DACH2: variants seen among roughly 807,000 people sequenced by gnomAD.
DACH2 encodes the protein dachshund homolog 2.
Under a neutral mutation model 35.8 loss-of-function variants are expected in DACH2, and 17 were observed. That is an observed-to-expected ratio of 0.48 (90% CI 0.33 to 0.71). DACH2 has a LOEUF of 0.71. Among genes scored for constraint, DACH2 ranks in the 30% least tolerant of loss-of-function variants. DACH2 has a pLI of 0.02. For synonymous variants in DACH2, 195 were observed against 177.3 expected, an observed-to-expected ratio of 1.10 and a Z score of -0.79; for missense variants, 469 against 472.7, an observed-to-expected ratio of 0.99 and a Z score of 0.07.
intron 1 of DACH2, among the ~76,000 whole-genome samples, chrX:86,285,380 T>C (rs2034123942): frequency 8.9e-6 from 1 of 112,001 alleles, no homozygotes. Flanking sequence ...TGTATTTTTG[T>C]TATTATTTGT....
At chrX:86,631,550 G>A (rs1222017088) in intron 3 of DACH2, among the ~76,000 whole-genome samples, 2 of 111,463 alleles carry the variant, frequency 1.8e-5, no homozygotes, top group African/African-American at 6.5e-5. Flanking sequence ...ATTTTTGGAG[G>A]GATATTATCA....
At chrX:86,372,866 A>C (rs949905179) in intron 1 of DACH2, among the ~76,000 whole-genome samples, 1 of 110,751 alleles carries the variant, frequency 9.0e-6, no homozygotes, top group African/African-American at 3.3e-5. Context: ...TATTGTTGAC[A>C]TCTTTATGTC....
chrX:86,722,927 A>T (rs1224300507), intron 6 of DACH2, among the ~76,000 whole-genome samples: 1 of 111,240 alleles, frequency 9.0e-6, no homozygotes, highest in Admixed American at 9.6e-5. Flanking sequence ...TGTTAGTAGA[A>T]TTTGGCTGTG....
intron 3 of DACH2, among the ~76,000 whole-genome samples, chrX:86,610,418 T>TTTCTTTCC (rs1491456126): frequency 1.6e-5 from 1 of 62,204 alleles, no homozygotes; most frequent in Admixed American, 2.1e-4. Flanking sequence ...TCTTTCTTTC[T>TTTCTTTCC]TTTCTTTCTT....
At chrX:86,168,749 A>G (rs780180946) in intron 1 of DACH2, among the ~76,000 whole-genome samples, 6 of 109,563 alleles carry the variant, frequency 5.5e-5, no homozygotes, top group Non-Finnish European at 1.1e-4. Context: ...TGAAAAAACT[A>G]CACTTTGCAT....
chrX:86,730,672 TA>T (rs1298828153), intron 6 of DACH2, among the ~76,000 whole-genome samples: 2 of 111,986 alleles, frequency 1.8e-5, no homozygotes, highest in East Asian at 5.6e-4. Flanking sequence ...ATGAACAAAA[TA>T]AATAATTATA....
At chrX:86,274,426 T>C (rs1270530331) in intron 1 of DACH2, among the ~76,000 whole-genome samples, 11 of 108,204 alleles carry the variant, frequency 1.0e-4, no homozygotes, top group African/African-American at 3.7e-4. Flanking sequence ...AGGATTTATT[T>C]AGAATGAGCT....
chrX:86,473,424 T>C (rs72633152), intron 2 of DACH2, among the ~76,000 whole-genome samples: 4,066 of 110,789 alleles, frequency 0.037, 83 homozygotes, highest in East Asian at 0.21. Flanking sequence ...TTACTGACTA[T>C]AGCCATTCTG....
chrX:86,322,704 TA>T (rs2035038519), intron 1 of DACH2, among the ~76,000 whole-genome samples: 1 of 112,225 alleles, frequency 8.9e-6, no homozygotes, highest in African/African-American at 3.2e-5. Flanking sequence ...CAAGGCCCCT[TA>T]ATGGAGGGAG....
chrX:86,438,384 C>T (rs111999723), intron 2 of DACH2, among the ~76,000 whole-genome samples: 96 of 109,823 alleles, frequency 8.7e-4, no homozygotes, highest in African/African-American at 3.0e-3. Flanking sequence ...CCATCACGCC[C>T]GGCTAATTTT....
intron 6 of DACH2, among the ~76,000 whole-genome samples, chrX:86,719,932 C>CTTTTTTTT (rs57079697): frequency 4.0e-5 from 3 of 75,569 alleles, no homozygotes; most frequent in African/African-American, 5.0e-5. Flanking sequence ...TTTCTTTTTT[C>CTTTTTTTT]TTTTTTTTTT....
At chrX:86,610,417 CTTTT>C (rs2039925434) in intron 3 of DACH2, among the ~76,000 whole-genome samples, 1 of 49,406 alleles carries the variant, frequency 2.0e-5, no homozygotes, top group Admixed American at 2.8e-4. Context: ...TTCTTTCTTT[CTTTT>C]CTTTCTTTCT....
At chrX:86,556,856 C>G (rs1172727905) in intron 3 of DACH2, among the ~76,000 whole-genome samples, 3 of 97,743 alleles carry the variant, frequency 3.1e-5, no homozygotes, top group Non-Finnish European at 4.1e-5. Context: ...CGGGAATTTG[C>G]TCATGCAGTT....
intron 3 of DACH2, among the ~76,000 whole-genome samples, chrX:86,514,880 G>T (rs918925995): frequency 9.0e-6 from 1 of 111,466 alleles, no homozygotes; most frequent in Non-Finnish European, 1.9e-5. Flanking sequence ...GGTGCAGGTG[G>T]TCATTGTCCT....
At chrX:86,622,876 A>T (rs1446364299) in intron 3 of DACH2, among the ~76,000 whole-genome samples, 1 of 111,788 alleles carries the variant, frequency 8.9e-6, no homozygotes, top group East Asian at 2.8e-4. Flanking sequence ...ATGACAACAC[A>T]TGATGATTAC....
At chrX:86,378,689 G>A (rs2036003120) in intron 2 of DACH2, among the ~76,000 whole-genome samples, 1 of 111,174 alleles carries the variant, frequency 9.0e-6, no homozygotes, top group African/African-American at 3.3e-5. Flanking sequence ...TATAGCCCAT[G>A]GGCTGTCAGT....
chrX:86,395,487 T>C (rs908109273), intron 2 of DACH2, among the ~76,000 whole-genome samples: 98 of 111,173 alleles, frequency 8.8e-4, no homozygotes, highest in African/African-American at 2.9e-3. Context: ...GCTGCACCCA[T>C]TAACTCATCA....
intron 2 of DACH2, among the ~76,000 whole-genome samples, chrX:86,443,452 A>G: frequency 9.0e-6 from 1 of 110,786 alleles, no homozygotes. Context: ...ATATAAGACT[A>G]TACTTTCTGC....
chrX:86,571,745 T>C (rs929097681), intron 3 of DACH2, among the ~76,000 whole-genome samples: 5 of 110,822 alleles, frequency 4.5e-5, no homozygotes, highest in Non-Finnish European at 7.6e-5. Context: ...CTTTTGCCTT[T>C]CTCTATAAAT....
Sources: allele counts gnomAD v4.1 joint callset (sites outside exome capture counted in the v4.1 genomes callset), GRCh38; gene constraint gnomAD v4.1.1; transcripts MANE v1.5; gene names NCBI Gene and HGNC (gene_info 2026-07-23, HGNC 2026-07-21).